DAPK1: variants seen among roughly 807,000 people sequenced by gnomAD.
DAPK1 encodes death-associated protein kinase 1.
Under a neutral mutation model 144.9 loss-of-function variants are expected in DAPK1, and 56 were observed. The ratio of observed to expected loss-of-function variants is 0.39; its 90% CI spans 0.31 to 0.48. DAPK1 has a LOEUF of 0.48. Among genes scored for constraint, DAPK1 ranks in the 20% least tolerant of loss-of-function variants. DAPK1 has a pLI of 0.95. For missense variants in DAPK1, 1,454 were observed against 1,875.4 expected (o/e 0.78, Z 4.15); for synonymous variants, 690 against 749.0 (o/e 0.92, Z 1.29).
intron 19 of DAPK1, among the ~76,000 whole-genome samples, chr9:87,676,105 T>C (rs1431871951): frequency 1.3e-5 from 2 of 152,086 alleles, no homozygotes; most frequent in African/African-American, 4.8e-5. Context: ...GAGCCAAAAA[T>C]GTCGGTGGCA....
chr9:87,677,027 A>T (rs1465362337), intron 19 of DAPK1, among the ~76,000 whole-genome samples: 1 of 152,180 alleles, frequency 6.6e-6, no homozygotes, highest in African/African-American at 2.4e-5. Context: ...GATGGCATTA[A>T]CCACAAAGGT....
At position 87,650,291 on chromosome 9, in the gene DAPK1, A is replaced by G. The variant is rs1226284348; in HGVS notation, c.1626+173A>G. Reference sequence around the variant, plus strand: ...TGTGAACTTTTCTATATTGTATTTAATAGTTAATATTAATTTATGGCATAT... The same window carrying G: ...TGTGAACTTTTCTATATTGTATTTAGTAGTTAATATTAATTTATGGCATAT... On this transcript the variant is annotated intron_variant, in intron 16 of 25. Coordinates refer to ENST00000408954, the MANE Select transcript of DAPK1 (RefSeq NM_004938.4). The G allele has an allele frequency of 5.0e-6, 3 of 606,004 alleles. No homozygotes were observed. The African/African-American group carries it at 5.6e-5, about 11-fold the overall frequency. 37.5% of individuals were successfully genotyped at this position (606,004 alleles called of 1,614,324 possible). A position where few individuals can be genotyped will look rare whatever the true frequency, so the allele number is the denominator to read the frequency against.
chr9:87,509,977 G>A (rs1824769115), intron 2 of DAPK1, among the ~76,000 whole-genome samples: 1 of 152,136 alleles, frequency 6.6e-6, no homozygotes, highest in South Asian at 2.1e-4. Context: ...CACTATAGAT[G>A]GACTAAACAG....
chr9:87,627,192 C>T (rs931115071), intron 3 of DAPK1, among the ~76,000 whole-genome samples: 1 of 152,168 alleles, frequency 6.6e-6, no homozygotes, highest in Non-Finnish European at 1.5e-5. Context: ...GTGGTTGCCT[C>T]GGCCCATGAG....
intron 2 of DAPK1, among the ~76,000 whole-genome samples, chr9:87,560,423 T>C (rs1403574351): frequency 6.6e-6 from 1 of 152,212 alleles, no homozygotes; most frequent in Non-Finnish European, 1.5e-5. Flanking sequence ...ATCACATTGT[T>C]GCGTGACACT....
chr9:87,666,302 G>A (rs919142497), intron 18 of DAPK1, among the ~76,000 whole-genome samples: 3 of 152,118 alleles, frequency 2.0e-5, no homozygotes, highest in South Asian at 2.1e-4. Flanking sequence ...TGAGGGGTGG[G>A]TTCAGGACTT....
chr9:87,559,857 C>T (rs1486376122), intron 2 of DAPK1, among the ~76,000 whole-genome samples: 1 of 152,068 alleles, frequency 6.6e-6, no homozygotes, highest in Non-Finnish European at 1.5e-5. Context: ...CTCGTGTGCC[C>T]ACTCCTCAGA....
chr9:87,685,560 C>G (rs544441218), intron 20 of DAPK1, among the ~76,000 whole-genome samples: 5 of 152,258 alleles, frequency 3.3e-5, no homozygotes, highest in African/African-American at 1.2e-4. Context: ...ACAGCCCTGA[C>G]CAGAAAGGCA....
At chr9:87,585,791 A>AG (rs1320593598) in intron 2 of DAPK1, among the ~76,000 whole-genome samples, 7 of 152,340 alleles carry the variant, frequency 4.6e-5, no homozygotes, top group Non-Finnish European at 7.3e-5. Flanking sequence ...CACTTGAAGT[A>AG]GGGCTGGTTT....
intron 2 of DAPK1, among the ~76,000 whole-genome samples, chr9:87,518,105 GT>G (rs1178414186): frequency 0.03 from 1,078 of 35,626 alleles, 6 homozygotes; most frequent in Non-Finnish European, 0.062. Flanking sequence ...TTATGTTGTT[GT>G]TTTTTTTTTT....
chr9:87,536,905 G>A (rs879874445), intron 2 of DAPK1, among the ~76,000 whole-genome samples: 5 of 151,800 alleles, frequency 3.3e-5, no homozygotes, highest in Non-Finnish European at 7.4e-5. Context: ...GAGTAGTGGT[G>A]TTAGTTCTAC....
chr9:87,663,689 T>C (rs1299230407), intron 18 of DAPK1, among the ~76,000 whole-genome samples: 2 of 152,002 alleles, frequency 1.3e-5, no homozygotes, highest in Non-Finnish European at 2.9e-5. Context: ...TGTCCAACAC[T>C]GAGGCCCATG....
chr9:87,686,740 G>A lies in DAPK1; in HGVS notation c.2413+1G>A. ...GACATCCAGAACGCTTATTTGAATG[G>A]TATGCCCTGCCTGCCCCAAGGGAAG... On this transcript the variant is annotated splice_donor_variant, in intron 21 of 25. Transcript: ENST00000408954. LOFTEE classifies it high-confidence loss of function. This position sits in a 1 kb window ranked among gnomAD's most constrained non-coding sequence, Gnocchi z 4.2. 1 of 1,605,736 alleles carries A rather than the reference G, an allele frequency of 6.2e-7. No homozygotes were observed. The highest frequency in any genetic ancestry group is 8.5e-7 in the Non-Finnish European group (1 of 1,173,226).
At chr9:87,641,303 C>G (rs1342302679) in intron 9 of DAPK1, among the ~76,000 whole-genome samples, 1 of 152,190 alleles carries the variant, frequency 6.6e-6, no homozygotes, top group Non-Finnish European at 1.5e-5. Flanking sequence ...AACATTACAC[C>G]TTTACATTAC....
intron 21 of DAPK1, among the ~76,000 whole-genome samples, chr9:87,689,496 C>T (rs1824981198): frequency 6.6e-6 from 1 of 152,166 alleles, no homozygotes; most frequent in Admixed American, 6.6e-5. Context: ...GTTTCCTTTG[C>T]TGTGCAAAAA....
intron 8 of DAPK1, 104 bp from the exon 9 acceptor site, chr9:87,640,698 C>T: frequency 7.8e-7 from 1 of 1,283,744 alleles, no homozygotes; most frequent in Non-Finnish European, 1.1e-6. Context: ...CCCTGAACTG[C>T]ATTTTCCACA....
chr9:87,502,036 T>C (rs1374707871), intron 2 of DAPK1, among the ~76,000 whole-genome samples: 1 of 152,118 alleles, frequency 6.6e-6, no homozygotes, highest in Non-Finnish European at 1.5e-5. Context: ...GTTAAACAAA[T>C]ATAGATATTA....
chr9:87,590,867 G>A (rs1250088924), intron 2 of DAPK1, among the ~76,000 whole-genome samples: 2 of 152,196 alleles, frequency 1.3e-5, no homozygotes, highest in Non-Finnish European at 2.9e-5. Flanking sequence ...GGGATTACAG[G>A]CGTGAGCCAC....
intron 9 of DAPK1, among the ~76,000 whole-genome samples, chr9:87,641,683 C>T (rs914208689): frequency 1.3e-5 from 2 of 152,138 alleles, no homozygotes; most frequent in Non-Finnish European, 2.9e-5. Flanking sequence ...ATAGCCTCAC[C>T]ATGAATATTG....
Sources: gnomAD v4.1 joint callset for allele counts (sites outside exome capture counted in the v4.1 genomes callset) on GRCh38, gnomAD v4.1.1 for gene constraint, Gnocchi (gnomAD v3.1) non-coding constraint, MANE v1.5 for transcripts, NCBI Gene and HGNC (gene_info 2026-07-23, HGNC 2026-07-21) for gene names.